FOCAD: variants seen among roughly 807,000 people sequenced by gnomAD.
The protein encoded by FOCAD is focadhesin, also known as KIAA1797.
Under a neutral mutation model 225.6 loss-of-function variants are expected in FOCAD, and 198 were observed. That is an observed-to-expected ratio of 0.88 (90% CI 0.78 to 0.99). FOCAD has a LOEUF of 0.99. FOCAD is among the 50% of genes least tolerant of loss of function. FOCAD has a pLI of 0.00. For synonymous variants in FOCAD, 897 were observed against 755.0 expected (o/e 1.19, Z -3.08); for missense variants, 2,713 against 2,123.6 (o/e 1.28, Z -5.46).
intron 21 of FOCAD, among the ~76,000 whole-genome samples, chr9:20,899,377 C>T (rs573905663): frequency 2.6e-5 from 4 of 151,990 alleles, no homozygotes; most frequent in Admixed American, 2.0e-4. Context: ...TCAGGTTTTC[C>T]TGCCCCAGCC....
intron 22 of FOCAD, among the ~76,000 whole-genome samples, chr9:20,911,366 C>G (rs1394939099): frequency 2.0e-5 from 3 of 152,074 alleles, no homozygotes; most frequent in East Asian, 3.9e-4. Flanking sequence ...TACACAAACT[C>G]TGTAGATCGA....
At chr9:20,682,634 C>T (rs1188664734), upstream of FOCAD, among the ~76,000 whole-genome samples, 3 of 151,974 alleles carry the variant, frequency 2.0e-5, no homozygotes, top group East Asian at 3.9e-4. Context: ...TTAAAATAGT[C>T]CTAAAAGAAA....
Position 20,948,403 on chromosome 9 carries a change from A to G in FOCAD, c.3798+10A>G, listed in dbSNP as rs1837386338. On this transcript the variant is annotated intron_variant, in intron 31 of 43. Coordinates refer to ENST00000338382, the MANE Select transcript of FOCAD (RefSeq NM_001375567.1). ...AATTGTTCTAACAGAGGTAGAGGTC[A>G]CCTGTTGTATGCTATTTCATATTTT... 1.2e-6 allele frequency: 2 copies of G among 1,607,622 alleles called. No homozygotes were observed. The highest frequency in any genetic ancestry group is 1.7e-5 in the Admixed American group (1 of 59,072).
intron 30 of FOCAD, among the ~76,000 whole-genome samples, chr9:20,947,848 A>G (rs1193070698): frequency 6.6e-6 from 1 of 152,146 alleles, no homozygotes; most frequent in Non-Finnish European, 1.5e-5. Context: ...GCTCACTTAC[A>G]TTCAGAGTAA....
chr9:20,861,774 G>T (rs938160112), intron 15 of FOCAD, among the ~76,000 whole-genome samples: 1 of 152,112 alleles, frequency 6.6e-6, no homozygotes, highest in Admixed American at 6.6e-5. Context: ...TCTTATTAAA[G>T]ACTATCTAAT....
chr9:20,898,858 A>G (rs1225744982), intron 21 of FOCAD, among the ~76,000 whole-genome samples: 1 of 151,974 alleles, frequency 6.6e-6, no homozygotes, highest in South Asian at 2.1e-4. Context: ...TGTAGTGGTA[A>G]GGTGTTGGGG....
At chr9:20,979,888 G>A (rs928003476) in intron 37 of FOCAD, among the ~76,000 whole-genome samples, 2 of 152,100 alleles carry the variant, frequency 1.3e-5, no homozygotes, top group African/African-American at 4.8e-5. Context: ...AAGTAGCTTT[G>A]TTGAGTTATA....
intron 21 of FOCAD, among the ~76,000 whole-genome samples, chr9:20,906,239 A>C (rs1324390319): frequency 6.6e-6 from 1 of 151,998 alleles, no homozygotes; most frequent in African/African-American, 2.4e-5. Context: ...TGAGAATATT[A>C]ATTCTTATAA....
chr9:20,760,710 A>G (rs1028612365), intron 6 of FOCAD, among the ~76,000 whole-genome samples: 1 of 152,206 alleles, frequency 6.6e-6, no homozygotes, highest in African/African-American at 2.4e-5. Flanking sequence ...CGACATTATC[A>G]TAATTACTCT....
intron 24 of FOCAD, among the ~76,000 whole-genome samples, chr9:20,922,360 A>T (rs893361271): frequency 6.6e-6 from 1 of 152,190 alleles, no homozygotes; most frequent in Non-Finnish European, 1.5e-5. Context: ...GGTGGTGAAC[A>T]AAATGATCAA....
chr9:20,959,627 T>C (rs932869698), intron 35 of FOCAD, among the ~76,000 whole-genome samples: 7 of 152,146 alleles, frequency 4.6e-5, no homozygotes, highest in African/African-American at 1.7e-4. Context: ...TCCTGAAGCA[T>C]TTCTCCTATG....
At chr9:20,873,373 T>C (rs897373855) in intron 18 of FOCAD, among the ~76,000 whole-genome samples, 10 of 152,126 alleles carry the variant, frequency 6.6e-5, no homozygotes, top group Non-Finnish European at 1.5e-4. Flanking sequence ...TGGAAGACTG[T>C]GAGTATGCAC....
Position 20,884,470 on chromosome 9 carries a change from C to T in FOCAD, c.2504-639C>T, listed in dbSNP as rs148601147. On this transcript the variant is annotated intron_variant, in intron 20 of 43. Transcript: ENST00000338382. Reference sequence around the variant, plus strand: ...CGCCACCATGCCTGGCTAATTTTTGCGTTTTTAGTAGAGATGGGGTTTCAC... The same window carrying T: ...CGCCACCATGCCTGGCTAATTTTTGTGTTTTTAGTAGAGATGGGGTTTCAC... 1.1e-3 allele frequency among the ~76,000 whole-genome samples: 166 copies of T among 151,760 alleles called. 5 individuals carry two copies. In the East Asian group the frequency reaches 0.019, roughly 17 times the overall value.
intron 20 of FOCAD, among the ~76,000 whole-genome samples, chr9:20,882,765 A>T (rs1293950120): frequency 6.6e-6 from 1 of 152,212 alleles, no homozygotes; most frequent in Non-Finnish European, 1.5e-5. Context: ...CCTTGAGCAC[A>T]AGGCCAATTT....
intron 23 of FOCAD, among the ~76,000 whole-genome samples, chr9:20,914,373 G>A (rs1007370034): frequency 6.6e-6 from 1 of 152,076 alleles, no homozygotes; most frequent in African/African-American, 2.4e-5. Context: ...ATAAACAAAT[G>A]GAATATGATA....
At chr9:20,840,701 T>A (rs1235648437) in intron 15 of FOCAD, among the ~76,000 whole-genome samples, 1 of 151,936 alleles carries the variant, frequency 6.6e-6, no homozygotes, top group African/African-American at 2.4e-5. Context: ...CTTCTTCAAT[T>A]TGGATGCCCT....
intron 15 of FOCAD, among the ~76,000 whole-genome samples, chr9:20,824,558 T>G (rs1228683831): frequency 6.6e-6 from 1 of 152,050 alleles, no homozygotes; most frequent in Non-Finnish European, 1.5e-5. Flanking sequence ...GCACTGACTT[T>G]CCTCATTCCA....
Position 20,862,408 on chromosome 9 carries a change from C to T in FOCAD, c.1921-170C>T, listed in dbSNP as rs543820811. 2.0e-5 allele frequency among the ~76,000 whole-genome samples: 3 copies of T among 152,104 alleles called. No homozygotes were observed. The South Asian group carries it at 6.2e-4, about 32-fold the overall frequency. On this transcript the variant is annotated intron_variant, in intron 15 of 43. Transcript: ENST00000338382. ...GCAGGCATAACTTCAACAGTTTACA[C>T]TGGTTTAAGTTATTTCATTTGAGGG...
At chr9:20,942,904 G>T (rs1323531211) in intron 28 of FOCAD, among the ~76,000 whole-genome samples, 1 of 152,230 alleles carries the variant, frequency 6.6e-6, no homozygotes, top group East Asian at 1.9e-4. Context: ...TGCTGGGCGA[G>T]AGATGATGTC....
Sources: gnomAD v4.1 joint callset for allele counts (sites outside exome capture counted in the v4.1 genomes callset) on GRCh38, gnomAD v4.1.1 for gene constraint, MANE v1.5 for transcripts, NCBI Gene and HGNC (gene_info 2026-07-23, HGNC 2026-07-21) for gene names.